The following SLC9C2 variants were observed in gnomAD, a reference collection of about 807,000 sequenced individuals.
The protein encoded by SLC9C2 is sodium/hydrogen exchanger 11.
A neutral mutation model predicts 140.2 loss-of-function variants in SLC9C2; 75 were observed. The observed-to-expected ratio is 0.53, with a 90% CI of 0.44 to 0.65. The LOEUF is 0.65. SLC9C2 is among the 30% of genes least tolerant of loss of function. SLC9C2 has a pLI of 0.00. For missense variants in SLC9C2, 1,074 were observed against 1,331.8 expected, an observed-to-expected ratio of 0.81 and a Z score of 3.01; for synonymous variants, 375 against 420.9, an observed-to-expected ratio of 0.89 and a Z score of 1.34.
chr1:173,587,788 T>C lies in SLC9C2; in HGVS notation c.400A>G (p.Ile134Val), dbSNP rs371807523. ...GLISFSTASIIIGYVVIKFNK... is the reference protein window; with the variant it reads ...GLISFSTASIVIGYVVIKFNK... Reference sequence around the variant, plus strand: ...AATTTTATAACGACATATCCAATTATGATGCTTGCTGTAGAAAAGCTAATT... The same window carrying C: ...AATTTTATAACGACATATCCAATTACGATGCTTGCTGTAGAAAAGCTAATT... Residue 134 changes from isoleucine to valine, a missense_variant, in exon 5 of 28, where the codon ATA becomes GTA. Ile to Val is a conservative substitution (Grantham distance 29). Transcript: ENST00000367714. The C allele has an allele frequency of 5.6e-6, 9 of 1,613,100 alleles. No homozygotes were observed. Among genetic ancestry groups the C allele is most frequent in the Non-Finnish European group, 7.6e-6 (9 of 1,179,560 alleles).
rs2101878618 is a variant in SLC9C2, at chr1:173,503,022, T to A, written c.3371+244A>T. Reference sequence around the variant, plus strand: ...TTCCATAGATCCCTACTCTTTGACCTAAATATCAGTGAGGGGGGTAAAAAT... The same window carrying A: ...TTCCATAGATCCCTACTCTTTGACCAAAATATCAGTGAGGGGGGTAAAAAT... On this transcript the variant is annotated intron_variant, in intron 27 of 27. Transcript: ENST00000367714. Among the ~76,000 whole-genome samples the A allele has an allele frequency of 1.3e-5, 2 of 152,294 alleles. 1 individual carries two copies. Among genetic ancestry groups the A allele is most frequent in the South Asian group, 4.2e-4 (2 of 4,818 alleles).
intron 5 of SLC9C2, 60 bp downstream of exon 5, chr1:173,587,605 A>G: frequency 1.4e-6 from 2 of 1,466,526 alleles, no homozygotes; most frequent in Non-Finnish European, 1.8e-6. Flanking sequence ...AAATATAATC[A>G]AAAGAAAATA....
At position 173,548,413 on chromosome 1, in the gene SLC9C2, A is replaced by C; in HGVS notation, c.1437T>G (p.Asp479Glu). The change falls in exon 12 of 28, where the codon GAT (aspartate) becomes GAG (glutamate). Residue 479 changes from aspartate to glutamate, a missense_variant. Transcript: ENST00000367714. ...LTNVNWTLVE[D>E]KTRIEYIPFS... ...CAGGAATGTATTCGATCCTCGTTTT[A>C]TCTTCTACTAAGGTCCAGTTAACAT... 6.2e-7 allele frequency: 1 copy of C among 1,613,048 alleles called. No individual in the cohort carries two copies. Among genetic ancestry groups the C allele is most frequent in the Non-Finnish European group, 8.5e-7 (1 of 1,179,584 alleles).
At position 173,547,927 on chromosome 1, in the gene SLC9C2, G is replaced by GT. The variant is rs541561488; in HGVS notation, c.1462-144dup. The GT allele has an allele frequency of 1.4e-4, 89 of 624,060 alleles. 4 individuals carry two copies. In the South Asian group the frequency reaches 1.5e-3, roughly 10 times the overall value. 38.7% of individuals were successfully genotyped at this position (624,060 alleles called of 1,614,324 possible). ...TTGCTAGAATGAAGAGCTATGTAAT[G>GT]TTTTTTCATATAAGAAGTGTTGCCT... On this transcript the variant is annotated intron_variant, in intron 12 of 27. Transcript: ENST00000367714.
At position 173,533,485 on chromosome 1, in the gene SLC9C2, C is replaced by T. The variant is rs936082061; in HGVS notation, c.2163+124G>A. ...GTAGTGATGGGGTCTTGCTATGTTA[C>T]CCAGGTTGTCTCAAACTTCTGGACT... On this transcript the variant is annotated intron_variant, in intron 17 of 27. Transcript: ENST00000367714. 7.6e-6 allele frequency: 5 copies of T among 659,930 alleles called. No homozygotes were observed. The African/African-American group carries it at 9.2e-5, about 12-fold the overall frequency. The allele number at this position is 659,930 out of a possible 1,614,324, so 40.9% of individuals were successfully genotyped here.
Position 173,509,454 on chromosome 1 carries a change from A to AG in SLC9C2, c.3039+113_3039+114insC, listed in dbSNP as rs1414568046. 2.8e-6 allele frequency: 3 copies of AG among 1,086,602 alleles called. No homozygotes were observed. The African/African-American group carries it at 5.1e-5, about 18-fold the overall frequency. The allele number at this position is 1,086,602 out of a possible 1,614,324, so 67.3% of individuals were successfully genotyped here. ...AGTGAGCCTCTGTCTCAAAAAAAAAAAAAATCAAACACAAATTTCCTTTCT... is the reference window on the plus strand; with the variant it reads ...AGTGAGCCTCTGTCTCAAAAAAAAAAGAAAATCAAACACAAATTTCCTTTCT... On this transcript the variant is annotated intron_variant, in intron 24 of 27. Transcript: ENST00000367714.
chr1:173,569,832 C>T (rs752640703), intron 9 of SLC9C2, among the ~76,000 whole-genome samples: 61 of 152,092 alleles, frequency 4.0e-4, no homozygotes, highest in Non-Finnish European at 7.2e-4. Context: ...TAGAAATCTG[C>T]CTGGTGTTCT....
intron 10 of SLC9C2, among the ~76,000 whole-genome samples, chr1:173,555,959 G>T (rs1425458918): frequency 6.6e-6 from 1 of 152,122 alleles, no homozygotes; most frequent in Non-Finnish European, 1.5e-5. Flanking sequence ...CCAAAAAGAA[G>T]GTATTAAATA....
chr1:173,575,503 A>G (rs1665116750), intron 8 of SLC9C2, among the ~76,000 whole-genome samples: 1 of 152,132 alleles, frequency 6.6e-6, no homozygotes, highest in Non-Finnish European at 1.5e-5. Context: ...AAACACAGTA[A>G]TGTTTCATTC....
chr1:173,586,835 C>T (rs1034442221), intron 5 of SLC9C2, among the ~76,000 whole-genome samples: 1 of 152,082 alleles, frequency 6.6e-6, no homozygotes, highest in Non-Finnish European at 1.5e-5. Context: ...ACAATGAGAA[C>T]ATATGGACAC....
chr1:173,595,617 C>T (rs949647482), intron 4 of SLC9C2, among the ~76,000 whole-genome samples: 5 of 151,408 alleles, frequency 3.3e-5, no homozygotes, highest in Admixed American at 2.0e-4. Context: ...GAAATGCCTG[C>T]CACCAAAAAA....
intron 23 of SLC9C2, among the ~76,000 whole-genome samples, chr1:173,514,619 T>C (rs146880927): frequency 0.021 from 3,144 of 152,314 alleles, 52 homozygotes; most frequent in Middle Eastern, 0.061. Context: ...TGTCTTTTAA[T>C]TGGGGCATTT....
chr1:173,546,738 G>A (rs1040121617), intron 13 of SLC9C2, among the ~76,000 whole-genome samples: 2 of 152,042 alleles, frequency 1.3e-5, no homozygotes, highest in African/African-American at 4.8e-5. Context: ...AACATAAACT[G>A]TAAAAATAAA....
chr1:173,517,979 G>A (rs1660537306), intron 22 of SLC9C2, among the ~76,000 whole-genome samples: 1 of 152,072 alleles, frequency 6.6e-6, no homozygotes, highest in East Asian at 1.9e-4. Flanking sequence ...ATCCCACCAG[G>A]GCTGGGCGCA....
At chr1:173,534,718 A>G in intron 15 of SLC9C2, 36 bp from the exon 16 acceptor site, 1 of 1,373,686 alleles carries the variant, frequency 7.3e-7, no homozygotes, top group Non-Finnish European at 9.6e-7. Flanking sequence ...AGATCACTTA[A>G]AAGTATAATT....
intron 16 of SLC9C2, 63 bp downstream of exon 16, chr1:173,534,421 A>T: frequency 4.8e-6 from 7 of 1,460,360 alleles, no homozygotes; most frequent in Non-Finnish European, 6.4e-6. Flanking sequence ...ATAATATGAC[A>T]AAATAGATTC....
chr1:173,502,969 CATG>C (rs976221226), intron 27 of SLC9C2, among the ~76,000 whole-genome samples: 61 of 152,288 alleles, frequency 4.0e-4, no homozygotes, highest in African/African-American at 1.3e-3. Context: ...TACACGTGTG[CATG>C]ATGTATGTCC....
chr1:173,540,507 G>A (rs1462442785), intron 13 of SLC9C2, among the ~76,000 whole-genome samples: 1 of 152,184 alleles, frequency 6.6e-6, no homozygotes, highest in Non-Finnish European at 1.5e-5. Context: ...AGAGGGTAGG[G>A]GGGCAGTGAG....
chr1:173,574,746 G>T (rs1377036164), intron 8 of SLC9C2, among the ~76,000 whole-genome samples: 1 of 151,940 alleles, frequency 6.6e-6, no homozygotes, highest in South Asian at 2.1e-4. Flanking sequence ...TCCTGACCTC[G>T]TGATTCGCCC....
Sources: allele counts gnomAD v4.1 joint callset (sites outside exome capture counted in the v4.1 genomes callset), GRCh38; gene constraint gnomAD v4.1.1; transcripts MANE v1.5; gene names NCBI Gene and HGNC (gene_info 2026-07-23, HGNC 2026-07-21).